BPTF: variants seen among roughly 807,000 people sequenced by gnomAD.
The protein encoded by BPTF is bromodomain PHD finger transcription factor, also known as nucleosome-remodeling factor subunit BPTF.
BPTF carries 18 observed loss-of-function variants against 292.5 expected under a neutral mutation model. The ratio of observed to expected loss-of-function variants is 0.06; its 90% CI spans 0.04 to 0.09. The LOEUF (loss-of-function observed/expected upper bound fraction) is 0.09. BPTF is among the 10% of genes least tolerant of loss of function. The probability of loss-of-function intolerance (pLI) is 1.00; values close to 1 mark genes in which losing one functional copy is unlikely to be tolerated. For missense variants in BPTF, 2,726 were observed against 3,498.7 expected (o/e 0.78, Z 5.57); for synonymous variants, 1,225 against 1,251.9 (o/e 0.98, Z 0.45).
At chr17:67,842,465 C>G (rs973770820) in intron 1 of BPTF, among the ~76,000 whole-genome samples, 1 of 152,144 alleles carries the variant, frequency 6.6e-6, no homozygotes, top group Non-Finnish European at 1.5e-5. Context: ...ACTTCTAGAT[C>G]CACTTTTCTT....
chr17:67,947,841 G>A (rs782710342), intron 22 of BPTF, 33 bp downstream of exon 22: 50 of 1,532,844 alleles, frequency 3.3e-5, no homozygotes, highest in Middle Eastern at 1.7e-4. Context: ...TTGTCTGTCC[G>A]TCTCTTCTCT....
At chr17:67,901,822 A>G (rs922118083) in intron 7 of BPTF, among the ~76,000 whole-genome samples, 3 of 152,206 alleles carry the variant, frequency 2.0e-5, no homozygotes, top group African/African-American at 7.2e-5. Flanking sequence ...TTGACCCTAT[A>G]TCCGTCAGCA....
At chr17:67,878,480 G>C (rs2060181949) in intron 4 of BPTF, among the ~76,000 whole-genome samples, 1 of 152,122 alleles carries the variant, frequency 6.6e-6, no homozygotes, top group Non-Finnish European at 1.5e-5. Context: ...TTTTCCACAG[G>C]GGTTGTAGAA....
intron 5 of BPTF, chr17:67,893,154 T>C: frequency 3.6e-6 from 2 of 559,668 alleles, no homozygotes; most frequent in South Asian, 2.1e-5. Context: ...GTACTTAATA[T>C]GTGTTAGTTT....
intron 26 of BPTF, among the ~76,000 whole-genome samples, chr17:67,970,337 G>T (rs1420805453): frequency 6.6e-6 from 1 of 152,084 alleles, no homozygotes; most frequent in African/African-American, 2.4e-5. Flanking sequence ...GGTGGAGGCT[G>T]CAGCGAGCCA....
chr17:67,922,808 T>C lies in BPTF; in HGVS notation c.5558-32T>C, dbSNP rs575939010. On this transcript the variant is annotated intron_variant, in intron 13 of 27. Transcript: ENST00000306378. ...AAGTACTTTAATTTTAGAAGCAATA[T>C]TGCTTAAAATATTCTGATTTCCTTT... The C allele has an allele frequency of 1.9e-6, 3 of 1,570,284 alleles. No homozygotes were observed. The South Asian group carries it at 3.6e-5, about 19-fold the overall frequency.
At chr17:67,932,610 A>G (rs1440467190) in intron 18 of BPTF, among the ~76,000 whole-genome samples, 2 of 152,224 alleles carry the variant, frequency 1.3e-5, no homozygotes, top group African/African-American at 4.8e-5. Flanking sequence ...CCGAGGTGGA[A>G]GAATCGCTTG....
At position 67,826,147 on chromosome 17, in the gene BPTF, C is replaced by G. The variant is rs1317939451; in HGVS notation, c.423C>G (p.Val141=). The change falls in exon 1 of 28, where the codon GTC becomes GTG. Residue 141 remains valine (V), a synonymous_variant. Transcript: ENST00000306378. ...SEEEEEEEDM[V]SEEEEEEDGD... ...AGGAGGAGGAAGAGGAGGACATGGT[C>G]TCCGAGGAGGAGGAGGAGGAGGACG... The G allele has an allele frequency of 1.3e-6, 2 of 1,499,280 alleles. No individual in the cohort carries two copies. The highest frequency in any genetic ancestry group is 2.3e-5 in the South Asian group (2 of 88,636). 92.9% of individuals were successfully genotyped at this position (1,499,280 alleles called of 1,614,324 possible).
At chr17:67,830,822 G>T (rs751137426) in intron 1 of BPTF, among the ~76,000 whole-genome samples, 1 of 152,228 alleles carries the variant, frequency 6.6e-6, no homozygotes, top group Non-Finnish European at 1.5e-5. Context: ...CTTTTCTGTA[G>T]AATAGGGATT....
Position 67,945,422 on chromosome 17 carries a change from A to C in BPTF, c.6714A>C (p.Gln2238His). The C allele has an allele frequency of 1.2e-6, 2 of 1,613,214 alleles. No individual in the cohort carries two copies. The highest frequency in any genetic ancestry group is 2.2e-5 in the South Asian group (2 of 90,968). ...TCCTTTTTACAGGTACAGGTGAACA[A>C]AGGCAGAGTAAACTGTCACCCCAGA... The part of the protein sequence containing the change: ...VSTTAAGTGE[Q>H]RQSKLSPQMQ... Residue 2238 changes from glutamine (Q) to histidine (H), a missense_variant, in exon 21 of 28, where the codon CAA becomes CAC. Physicochemically the swap from Gln to His is conservative, Grantham distance 24 (BLOSUM62 0). Transcript: ENST00000306378.
At chr17:67,888,952 G>T (rs186249521) in intron 4 of BPTF, among the ~76,000 whole-genome samples, 29 of 152,222 alleles carry the variant, frequency 1.9e-4, no homozygotes, top group African/African-American at 7.0e-4. Context: ...AGATTCCTAG[G>T]TTCCCAGCTA....
chr17:67,939,732 T>G (rs771156886), intron 18 of BPTF, among the ~76,000 whole-genome samples: 1 of 152,032 alleles, frequency 6.6e-6, no homozygotes, highest in Non-Finnish European at 1.5e-5. Flanking sequence ...TACAAAAAAT[T>G]AGTCGGGTGT....
rs1598825647 is a variant in BPTF, at chr17:67,944,784, C to CT, written c.6700+413dup. Among the ~76,000 whole-genome samples, 5 of 152,254 alleles carry CT rather than the reference C, an allele frequency of 3.3e-5. No individual in the cohort carries two copies. The East Asian group carries it at 9.7e-4, about 29-fold the overall frequency. ...GACCTTCTGCTGCAAGTCATTGTAA[C>CT]TAACTACCACCACATCATGGGAGAA... On this transcript the variant is annotated intron_variant, in intron 20 of 27. Coordinates refer to ENST00000306378, the MANE Select transcript of BPTF (RefSeq NM_182641.4).
rs1340141266 is a variant in BPTF, at chr17:67,948,067, G to A, written c.7701-14G>A. ...AAACGCCCAGCATTACATAGGTTGTGTATTTTTCTCTAGAATGATTGTCTG... is the reference window on the plus strand; with the variant it reads ...AAACGCCCAGCATTACATAGGTTGTATATTTTTCTCTAGAATGATTGTCTG... On this transcript the variant is annotated splice_polypyrimidine_tract_variant and intron_variant, in intron 22 of 27. Coordinates refer to ENST00000306378, the MANE Select transcript of BPTF (RefSeq NM_182641.4). 4 of 1,604,330 alleles carry A rather than the reference G, an allele frequency of 2.5e-6. No homozygotes were observed. The African/African-American group carries it at 4.0e-5, about 16-fold the overall frequency.
At chr17:67,871,017 C>G (rs751731898) in intron 3 of BPTF, among the ~76,000 whole-genome samples, 2 of 151,884 alleles carry the variant, frequency 1.3e-5, no homozygotes, top group South Asian at 4.2e-4. Context: ...GTGATCCGCC[C>G]GCCTCGGCCT....
chr17:67,840,249 T>C (rs1286670018), intron 1 of BPTF, among the ~76,000 whole-genome samples: 3 of 151,912 alleles, frequency 2.0e-5, no homozygotes, highest in Non-Finnish European at 4.4e-5. Context: ...GGATTTCAAG[T>C]GCGCACCTCC....
At chr17:67,916,571 CAA>C (rs1202821466) in intron 11 of BPTF, among the ~76,000 whole-genome samples, 3 of 151,662 alleles carry the variant, frequency 2.0e-5, no homozygotes, top group Non-Finnish European at 4.4e-5. Context: ...GCCTGAGCGA[CAA>C]GAGCAAAACT....
intron 23 of BPTF, among the ~76,000 whole-genome samples, chr17:67,950,721 TC>T (rs1411283303): frequency 6.6e-6 from 1 of 151,402 alleles, no homozygotes; most frequent in East Asian, 2.0e-4. Flanking sequence ...GTGCCTGTAG[TC>T]CCAGCTACTT....
In BPTF at chr17:67,949,232, G is replaced by A. The variant is rs368109195; in HGVS notation, c.7926+926G>A. ...TACACAAAATTAGCCAAACATGGTG[G>A]CATACGCCTGTAGTCCCAGCTACTT... On this transcript the variant is annotated intron_variant, in intron 23 of 27. Transcript: ENST00000306378. Among the ~76,000 whole-genome samples the A allele has an allele frequency of 4.3e-4, 65 of 152,190 alleles. No individual in the cohort carries two copies. The South Asian group carries it at 0.01, about 24-fold the overall frequency.
Sources: gnomAD v4.1 joint callset for allele counts (sites outside exome capture counted in the v4.1 genomes callset) on GRCh38, gnomAD v4.1.1 for gene constraint, MANE v1.5 for transcripts, NCBI Gene and HGNC (gene_info 2026-07-23, HGNC 2026-07-21) for gene names.